The following TNFRSF10B variants were observed in gnomAD, a reference collection of about 807,000 sequenced individuals.
The protein encoded by TNFRSF10B is TNF receptor superfamily member 10b.
Under a neutral mutation model 41.4 loss-of-function variants are expected in TNFRSF10B, and 35 were observed. The ratio of observed to expected loss-of-function variants is 0.85; its 90% CI spans 0.65 to 1.12. The LOEUF (loss-of-function observed/expected upper bound fraction) is 1.12, where lower values mean the gene tolerates loss of function less well. Ranked by LOEUF, TNFRSF10B falls within the 50% of genes most tolerant of loss-of-function variation. TNFRSF10B has a pLI of 0.00. For synonymous variants in TNFRSF10B, 230 were observed against 215.5 expected, an observed-to-expected ratio of 1.07 and a Z score of -0.59; for missense variants, 584 against 552.7, an observed-to-expected ratio of 1.06 and a Z score of -0.57.
chr8:23,057,630 C>T (rs1320284447), intron 1 of TNFRSF10B, among the ~76,000 whole-genome samples: 2 of 151,554 alleles, frequency 1.3e-5, no homozygotes, highest in East Asian at 3.9e-4. Flanking sequence ...ACAAGTTTCT[C>T]TATTTTGGCT....
chr8:23,068,679 C>A, intron 1 of TNFRSF10B, 72 bp downstream of exon 1: 1 of 1,527,168 alleles, frequency 6.5e-7, no homozygotes, highest in Non-Finnish European at 8.8e-7. Flanking sequence ...CCCGCCGTGT[C>A]CCCCTCTCTC....
In TNFRSF10B at chr8:23,027,204, T is replaced by C. The variant is rs765925630; in HGVS notation, c.865A>G (p.Met289Val). Residue 289 changes from methionine to valine, a missense_variant, in exon 7 of 9, where the codon ATG becomes GTG. Coordinates refer to ENST00000276431, the MANE Select transcript of TNFRSF10B (RefSeq NM_003842.5). ...GGCTCTGCTGGCTCCTGGACTTCCA[T>C]TTCCTGCTCAGGGACCTGGGTGGGC... Reference protein sequence around the residue: ...LQPTQVPEQEMEVQEPAEPTG... With the variant: ...LQPTQVPEQEVEVQEPAEPTG... 1.2e-6 allele frequency: 2 copies of C among 1,614,216 alleles called. No homozygotes were observed. The highest frequency in any genetic ancestry group is 1.7e-6 in the Non-Finnish European group (2 of 1,180,022).
At chr8:23,054,215 ATGTTCATTAAT>A (rs1161398021) in intron 1 of TNFRSF10B, among the ~76,000 whole-genome samples, 1 of 152,226 alleles carries the variant, frequency 6.6e-6, no homozygotes, top group Non-Finnish European at 1.5e-5. Context: ...AAGAGTTAAA[ATGTTCATTAAT>A]ATCAAACAGG....
chr8:23,022,009 A>G lies in TNFRSF10B; in HGVS notation c.*662T>C, dbSNP rs1200103204. On this transcript the variant is annotated 3_prime_UTR_variant, in exon 9 of 9. Coordinates refer to ENST00000276431, the MANE Select transcript of TNFRSF10B (RefSeq NM_003842.5). The stretch of plus-strand genomic sequence containing the variant: ...CATGGGGGCTCACGCCTCTAATTCC[A>G]CCGCTTTGGGAGTCTGAGGTGGGCA... The G allele has an allele frequency of 4.4e-6, 2 of 451,620 alleles. No homozygotes were observed. Among genetic ancestry groups the G allele is most frequent in the East Asian group, 1.4e-4 (2 of 14,356 alleles). 28.0% of individuals were successfully genotyped at this position (451,620 alleles called of 1,614,324 possible).
chr8:23,064,454 G>C (rs1167798525), intron 1 of TNFRSF10B, among the ~76,000 whole-genome samples: 2 of 152,232 alleles, frequency 1.3e-5, no homozygotes, highest in Non-Finnish European at 2.9e-5. Context: ...TGGGCGTGTG[G>C]CCAGAGATGC....
chr8:23,046,384 G>A (rs1041994295), intron 1 of TNFRSF10B, among the ~76,000 whole-genome samples: 7 of 151,800 alleles, frequency 4.6e-5, no homozygotes, highest in Non-Finnish European at 1.0e-4. Context: ...GGAAGTGAAA[G>A]ACCTGTATGT....
chr8:23,053,365 C>G (rs1438739518), intron 1 of TNFRSF10B, among the ~76,000 whole-genome samples: 1 of 152,126 alleles, frequency 6.6e-6, no homozygotes, highest in Non-Finnish European at 1.5e-5. Context: ...AAACAGTTTA[C>G]ATGCAAGTTG....
At chr8:23,029,561 T>C (rs747251415) in intron 4 of TNFRSF10B, 49 bp downstream of exon 4, 4 of 1,544,990 alleles carry the variant, frequency 2.6e-6, no homozygotes, top group Non-Finnish European at 3.5e-6. Flanking sequence ...GAGACTTGGG[T>C]CTTTTGGGGT....
rs181661978 is a variant in TNFRSF10B, at chr8:23,065,764, G to A, written c.144+2987C>T. Among the ~76,000 whole-genome samples the A allele has an allele frequency of 3.5e-3, 538 of 151,992 alleles. 3 individuals are homozygous for A. The highest frequency in any genetic ancestry group is 5.0e-3 in the Non-Finnish European group (337 of 67,986). ...ATAGACTTTGAAAGAACACAGTGAT[G>A]TTCGGTACCCAAGAAAGCAAAATTC... On this transcript the variant is annotated intron_variant, in intron 1 of 8. Transcript: ENST00000276431.
At chr8:23,045,999 G>A (rs937327408) in intron 1 of TNFRSF10B, among the ~76,000 whole-genome samples, 18 of 152,298 alleles carry the variant, frequency 1.2e-4, no homozygotes, top group African/African-American at 4.3e-4. Flanking sequence ...GTGAAAAGCT[G>A]AAAGCTTTTC....
chr8:23,023,077 C>G (rs1324932454), intron 8 of TNFRSF10B, 93 bp from the exon 9 acceptor site: 1 of 1,491,922 alleles, frequency 6.7e-7, no homozygotes, highest in African/African-American at 1.4e-5. Flanking sequence ...GGCGGGGAAC[C>G]TGGAGAGCCC....
chr8:23,033,306 C>T (rs138013152), intron 2 of TNFRSF10B, among the ~76,000 whole-genome samples: 1,815 of 152,106 alleles, frequency 0.012, 38 homozygotes, highest in African/African-American at 0.042. Flanking sequence ...CACTGGAGGC[C>T]GGGTGCGGTG....
intron 2 of TNFRSF10B, among the ~76,000 whole-genome samples, chr8:23,041,067 T>G (rs542291866): frequency 6.0e-5 from 9 of 151,250 alleles, no homozygotes; most frequent in Admixed American, 1.3e-4. Context: ...TTTTGTTGTT[T>G]TTTTTTTTTG....
chr8:23,040,220 A>T (rs1239161307), intron 2 of TNFRSF10B, among the ~76,000 whole-genome samples: 1 of 145,972 alleles, frequency 6.9e-6, no homozygotes, highest in Non-Finnish European at 1.5e-5. Context: ...TAAGATATGT[A>T]TCTTTAAGAT....
At chr8:23,056,772 T>TTA (rs1199418522) in intron 1 of TNFRSF10B, among the ~76,000 whole-genome samples, 1 of 152,156 alleles carries the variant, frequency 6.6e-6, no homozygotes, top group Non-Finnish European at 1.5e-5. Context: ...CATGGATTAT[T>TTA]TATAAGTGTG....
chr8:23,062,261 C>T (rs557078858), intron 1 of TNFRSF10B, among the ~76,000 whole-genome samples: 2 of 152,182 alleles, frequency 1.3e-5, no homozygotes, highest in East Asian at 3.9e-4. Flanking sequence ...CACTCTGTTG[C>T]CCAGGCTGGA....
intron 2 of TNFRSF10B, among the ~76,000 whole-genome samples, chr8:23,040,184 A>AAT (rs1442051485): frequency 5.5e-5 from 8 of 146,524 alleles, no homozygotes; most frequent in South Asian, 2.1e-4. Flanking sequence ...TGTCTCAAAA[A>AAT]ATATATATAT....
chr8:23,027,298 G>T lies in TNFRSF10B; in HGVS notation c.781-10C>A. 1 of 1,614,004 alleles carries T rather than the reference G, an allele frequency of 6.2e-7. No individual in the cohort carries two copies. Among genetic ancestry groups the T allele is most frequent in the Non-Finnish European group, 8.5e-7 (1 of 1,180,016 alleles). The stretch of plus-strand genomic sequence containing the variant: ...CAGGTCGTTGTGAGCTCTGGAAAAA[G>T]ACATTGGGAAGGCAAAAAGCCGACT... On this transcript the variant is annotated splice_polypyrimidine_tract_variant and intron_variant, in intron 6 of 8. Transcript: ENST00000276431.
rs560053368 is a variant in TNFRSF10B, at chr8:23,062,576, T to A, written c.144+6175A>T. Among the ~76,000 whole-genome samples, 12 of 152,374 alleles carry A rather than the reference T, an allele frequency of 7.9e-5. No homozygotes were observed. In the South Asian group the frequency reaches 2.5e-3, roughly 32 times the overall value. The stretch of plus-strand genomic sequence containing the variant: ...TCTCTTCTAATAATTATTTCCTTTA[T>A]AATGCTAACTCTAGGTTTGGTTCAT... On this transcript the variant is annotated intron_variant, in intron 1 of 8. Coordinates refer to ENST00000276431, the MANE Select transcript of TNFRSF10B (RefSeq NM_003842.5).
Sources: gnomAD v4.1 joint callset for allele counts (sites outside exome capture counted in the v4.1 genomes callset) on GRCh38, gnomAD v4.1.1 for gene constraint, MANE v1.5 for transcripts, NCBI Gene and HGNC (gene_info 2026-07-23, HGNC 2026-07-21) for gene names.